Variants in PANK2 observed in about 807,000 individuals in gnomAD.
The protein encoded by PANK2 is pantothenate kinase 2, mitochondrial.
PANK2 carries 36 observed loss-of-function variants against 43.1 expected under a neutral mutation model. The ratio of observed to expected loss-of-function variants is 0.84; its 90% CI spans 0.64 to 1.10. PANK2 has a LOEUF of 1.10. PANK2 is among the 50% of genes least tolerant of loss of function. PANK2 has a pLI of 0.00. For synonymous variants in PANK2, 281 were observed against 238.2 expected (o/e 1.18, Z -1.66); for missense variants, 576 against 593.3 (o/e 0.97, Z 0.30).
At chr20:3,917,316 G>A (rs1432447284) in intron 5 of PANK2, among the ~76,000 whole-genome samples, 1 of 152,064 alleles carries the variant, frequency 6.6e-6, no homozygotes, top group African/African-American at 2.4e-5. Context: ...CAGTGTTCCA[G>A]ATATTGGGGA....
At position 3,889,498 on chromosome 20, in the gene PANK2, T is replaced by C. The variant is rs760044430; in HGVS notation, c.68T>C (p.Met23Thr). 3.4e-6 allele frequency: 5 copies of C among 1,469,110 alleles called. No homozygotes were observed. The highest frequency in any genetic ancestry group is 3.6e-6 in the Non-Finnish European group (4 of 1,120,268). 91.0% of individuals were successfully genotyped at this position (1,469,110 alleles called of 1,614,324 possible). Residue 23 changes from methionine (M) to threonine (T), a missense_variant, in exon 1 of 7, where the codon ATG becomes ACG. Physicochemically the swap from Met to Thr is moderately conservative, Grantham distance 81 (BLOSUM62 -1). This residue lies in a region of PANK2 where 544 missense variants were observed against 528.9 expected (regional missense o/e 1.03). Transcript: ENST00000610179. Reference sequence around the variant, plus strand: ...GGAGGGGGCCGGCTCGGCGCGCCCATGGAGCGCCACGGCAGGGCTTCCGCC... The same window carrying C: ...GGAGGGGGCCGGCTCGGCGCGCCCACGGAGCGCCACGGCAGGGCTTCCGCC...
chr20:3,905,472 G>A (rs2090370508), intron 1 of PANK2, among the ~76,000 whole-genome samples: 1 of 150,468 alleles, frequency 6.6e-6, no homozygotes, highest in Non-Finnish European at 1.5e-5. Context: ...TCAGCCTGCT[G>A]AGTAGCTGGG....
At chr20:3,916,826 T>C in intron 4 of PANK2, 101 bp from the exon 5 acceptor site, 2 of 1,517,020 alleles carry the variant, frequency 1.3e-6, no homozygotes, top group South Asian at 1.2e-5. Flanking sequence ...TTCAACAATG[T>C]TGCCCTAAAA....
chr20:3,916,666 CTGAATATG>C (rs1004607463), intron 4 of PANK2, among the ~76,000 whole-genome samples: 1 of 152,180 alleles, frequency 6.6e-6, no homozygotes, highest in Admixed American at 6.5e-5. Context: ...GAGATTCTAA[CTGAATATG>C]TGAATATCTG....
intron 4 of PANK2, among the ~76,000 whole-genome samples, chr20:3,916,071 T>C (rs2090555122): frequency 6.6e-6 from 1 of 152,262 alleles, no homozygotes; most frequent in Non-Finnish European, 1.5e-5. Context: ...CAAAGTCTTC[T>C]GATCCAAAAA....
At chr20:3,896,084 C>T (rs574688259) in intron 1 of PANK2, among the ~76,000 whole-genome samples, 66 of 149,844 alleles carry the variant, frequency 4.4e-4, no homozygotes, top group African/African-American at 1.4e-3. Flanking sequence ...TTTTTTGAGA[C>T]GGAGTCTTGC....
Position 3,918,771 on chromosome 20 carries a change from T to G in PANK2, c.1307T>G (p.Leu436Trp). The change falls in exon 6 of 7, where the codon TTG becomes TGG. Residue 436 changes from leucine to tryptophan, a missense_variant. This residue lies in a region of PANK2 where 32 missense variants were observed against 64.3 expected (regional missense o/e 0.50). Coordinates refer to ENST00000610179, the MANE Select transcript of PANK2 (RefSeq NM_001386393.1). ...TTGGATTATTGGTCCAAGGGGCAGT[T>G]GAAAGCACTTTTTTCGGAACACGAG... 1 of 1,614,264 alleles carries G rather than the reference T, an allele frequency of 6.2e-7. No homozygotes were observed. Among genetic ancestry groups the G allele is most frequent in the Non-Finnish European group, 8.5e-7 (1 of 1,180,052 alleles).
chr20:3,928,868 T>C lies in PANK2; in HGVS notation c.*5574T>C, dbSNP rs2090773197. On this transcript the variant is annotated 3_prime_UTR_variant, in exon 7 of 7. Transcript: ENST00000610179. Reference sequence around the variant, plus strand: ...CATTTTCTTTTCTTGTGTGTTTTTTTGAGACGGAGTCTCGCTCTGTTGCCC... The same window carrying C: ...CATTTTCTTTTCTTGTGTGTTTTTTCGAGACGGAGTCTCGCTCTGTTGCCC... 6.6e-6 allele frequency: 1 copy of C among 151,720 alleles called. No homozygotes were observed. The highest frequency in any genetic ancestry group is 6.6e-5 in the Admixed American group (1 of 15,238). The allele number at this position is 151,720 out of a possible 1,614,324, so 9.4% of individuals were successfully genotyped here.
Position 3,925,937 on chromosome 20 carries a change from T to A in PANK2, c.*2643T>A, listed in dbSNP as rs954592805. On this transcript the variant is annotated 3_prime_UTR_variant, in exon 7 of 7. Transcript: ENST00000610179. ...TGCTGTTACCATTGCCACTTCCCTGTCTTAGCAGCTGTCCCTTTCAGTCTG... is the reference window on the plus strand; with the variant it reads ...TGCTGTTACCATTGCCACTTCCCTGACTTAGCAGCTGTCCCTTTCAGTCTG... 2 of 152,300 alleles carry A rather than the reference T, an allele frequency of 1.3e-5. No homozygotes were observed. The highest frequency in any genetic ancestry group is 2.9e-5 in the Non-Finnish European group (2 of 68,142). 9.4% of individuals were successfully genotyped at this position (152,300 alleles called of 1,614,324 possible).
At chr20:3,905,536 A>G (rs2146852897) in intron 1 of PANK2, among the ~76,000 whole-genome samples, 1 of 149,266 alleles carries the variant, frequency 6.7e-6, no homozygotes, top group African/African-American at 2.5e-5. Context: ...TTTAGTAGAG[A>G]TGGGGTTTCA....
chr20:3,901,579 CCCTT>C (rs2090302691), intron 1 of PANK2: 17 of 979,508 alleles, frequency 1.7e-5, no homozygotes, highest in Non-Finnish European at 2.1e-5. Context: ...ATTTCCTTCT[CCCTT>C]CTCTTCCCTC....
intron 6 of PANK2, among the ~76,000 whole-genome samples, chr20:3,922,786 C>T (rs921174886): frequency 1.3e-5 from 2 of 152,218 alleles, no homozygotes; most frequent in African/African-American, 4.8e-5. Flanking sequence ...TCTCCCAGCT[C>T]AGTCGGGCTC....
intron 1 of PANK2, among the ~76,000 whole-genome samples, chr20:3,895,136 T>C (rs2090184253): frequency 6.6e-6 from 1 of 151,902 alleles, no homozygotes; most frequent in Non-Finnish European, 1.5e-5. Flanking sequence ...AGGGCATGCA[T>C]GGTGGCTCAC....
chr20:3,907,813 C>G, intron 1 of PANK2, 113 bp from the exon 2 acceptor site: 1 of 919,974 alleles, frequency 1.1e-6, no homozygotes. Flanking sequence ...ACCCTTTTGC[C>G]TAGAATTATG....
At chr20:3,902,953 G>A (rs2090324852) in intron 1 of PANK2, among the ~76,000 whole-genome samples, 1 of 144,742 alleles carries the variant, frequency 6.9e-6, no homozygotes, top group African/African-American at 2.7e-5. Context: ...AGTTCCATGA[G>A]TTTCGACAGA....
At chr20:3,892,402 C>G (rs762937894) in intron 1 of PANK2, among the ~76,000 whole-genome samples, 2 of 151,524 alleles carry the variant, frequency 1.3e-5, no homozygotes, top group Admixed American at 6.6e-5. Context: ...CTAGAGTATA[C>G]TTCAGTCTTA....
chr20:3,914,832 G>GCTCCTGAC (rs1007098735), intron 4 of PANK2, among the ~76,000 whole-genome samples: 39 of 147,024 alleles, frequency 2.7e-4, no homozygotes, highest in Admixed American at 8.1e-4. Flanking sequence ...CTGGTCTCGA[G>GCTCCTGAC]CTCCTGACCT....
At chr20:3,898,837 G>C (rs1414994365) in intron 1 of PANK2, among the ~76,000 whole-genome samples, 9 of 151,406 alleles carry the variant, frequency 5.9e-5, no homozygotes, top group Non-Finnish European at 2.9e-5. Flanking sequence ...GCATGGTTTT[G>C]TTTGTTTTGG....
intron 1 of PANK2, among the ~76,000 whole-genome samples, chr20:3,896,326 C>T (rs957178484): frequency 2.7e-5 from 4 of 150,740 alleles, no homozygotes; most frequent in East Asian, 1.9e-4. Flanking sequence ...GATCCGCCTG[C>T]CTTGGCCTCC....
Sources: allele counts gnomAD v4.1 joint callset (sites outside exome capture counted in the v4.1 genomes callset), GRCh38; gene constraint gnomAD v4.1.1; regional missense constraint gnomAD v4.1.1; transcripts MANE v1.5; gene names NCBI Gene and HGNC (gene_info 2026-07-23, HGNC 2026-07-21).